ZNF169: variants seen among roughly 807,000 people sequenced by gnomAD.
ZNF169 encodes the protein zinc finger protein 169.
Under a neutral mutation model 12.0 loss-of-function variants are expected in ZNF169, and 11 were observed. That is an observed-to-expected ratio of 0.92 (90% CI 0.58 to 1.52). The LOEUF (loss-of-function observed/expected upper bound fraction) is 1.52. Among genes scored for constraint, ZNF169 ranks in the 40% most tolerant of loss-of-function variants. The pLI is 0.00. For synonymous variants in ZNF169, 302 were observed against 286.5 expected, an observed-to-expected ratio of 1.05 and a Z score of -0.55; for missense variants, 722 against 744.0, an observed-to-expected ratio of 0.97 and a Z score of 0.34.
chr9:94,282,906 A>T (rs915683276), intron 2 of ZNF169, among the ~76,000 whole-genome samples: 16 of 152,150 alleles, frequency 1.1e-4, no homozygotes, highest in Admixed American at 8.5e-4. Context: ...TACTATTCAG[A>T]AGATTTTATT....
rs572690326 is a variant in ZNF169 at position 94,300,497 on chromosome 9, C to T, written c.939C>T (p.Ser313=). 2.9e-5 allele frequency: 46 copies of T among 1,614,016 alleles called. No individual in the cohort carries two copies. Among genetic ancestry groups the T allele is most frequent in the Non-Finnish European group, 3.5e-5 (41 of 1,180,030 alleles). ...TCACTAATCACAAGAGGATTCACTCCGGGGAGAGGCCCTTTGTATGTCAGG... is the reference window on the plus strand; with the variant it reads ...TCACTAATCACAAGAGGATTCACTCTGGGGAGAGGCCCTTTGTATGTCAGG... ...SSLTNHKRIH[S]GERPFVCQEC... The change falls in exon 5 of 5, where the codon TCC becomes TCT. Residue 313 remains serine (S), a synonymous_variant. Transcript: ENST00000395395.
At chr9:94,278,295 A>G (rs1830560694) in intron 1 of ZNF169, among the ~76,000 whole-genome samples, 1 of 152,154 alleles carries the variant, frequency 6.6e-6, no homozygotes, top group South Asian at 2.1e-4. Context: ...AGAGTCACAT[A>G]GAAGGAAACT....
chr9:94,301,132 A>T lies in ZNF169; in HGVS notation c.1574A>T (p.Gln525Leu), dbSNP rs201803760. The change falls in exon 5 of 5, where the codon CAG becomes CTG. Residue 525 changes from glutamine to leucine, a missense_variant. Transcript: ENST00000395395. ...VDRVCGQGLG[Q>L]KSHLISDQRT... ...AGGGTGTGTGGACAAGGACTTGGCC[A>T]GAAGTCACACCTTATCTCTGACCAA... 10 of 1,614,190 alleles carry T rather than the reference A, an allele frequency of 6.2e-6. No homozygotes were observed. The highest frequency in any genetic ancestry group is 8.5e-6 in the Non-Finnish European group (10 of 1,180,038).
intron 3 of ZNF169, 109 bp downstream of exon 3, chr9:94,292,576 C>A: frequency 6.9e-7 from 1 of 1,446,040 alleles, no homozygotes; most frequent in Non-Finnish European, 9.3e-7. Context: ...TCCCCTATTC[C>A]CCCAGAGAAT....
chr9:94,261,072 G>T (rs924859691), intron 1 of ZNF169, among the ~76,000 whole-genome samples: 1 of 148,980 alleles, frequency 6.7e-6, no homozygotes, highest in Admixed American at 6.7e-5. Context: ...TTGCTCTGTC[G>T]CCAGGCTGGA....
In ZNF169 at chr9:94,300,224, C is replaced by CA. The variant is rs372208349; in HGVS notation, c.671dup (p.Ser225ValfsTer14). ...GTGGAAACTATAGACTGGGACTTAG[C>CA]AAAAAGTCAAGCCTGTTCAGCCACC... On this transcript the variant is annotated frameshift_variant, in exon 5 of 5. Transcript: ENST00000395395. LOFTEE classifies it low-confidence loss of function (END_TRUNC). 131 of 1,614,194 alleles carry CA rather than the reference C, an allele frequency of 8.1e-5. 3 individuals carry two copies. The African/African-American group carries it at 1.5e-3, about 18-fold the overall frequency.
At position 94,300,091 on chromosome 9, in the gene ZNF169, G is replaced by A; in HGVS notation, c.533G>A (p.Gly178Glu). The A allele has an allele frequency of 6.2e-7, 1 of 1,614,164 alleles. No individual in the cohort carries two copies. The highest frequency in any genetic ancestry group is 8.5e-7 in the Non-Finnish European group (1 of 1,180,034). Reference sequence around the variant, plus strand: ...GGTGACCCAGTAGAATGGGTAGAAGGGAACAGAGAAGGAGGAACAGACCTT... The same window carrying A: ...GGTGACCCAGTAGAATGGGTAGAAGAGAACAGAGAAGGAGGAACAGACCTT... ...HQGDPVEWVE[G>E]NREGGTDLRL... The change falls in exon 5 of 5, where the codon GGG becomes GAG. Residue 178 changes from glycine (G) to glutamate (E), a missense_variant. By Grantham distance (98) the Gly-to-Glu change is moderately conservative. Coordinates refer to ENST00000395395, the MANE Select transcript of ZNF169 (RefSeq NM_194320.4).
intron 2 of ZNF169, 35 bp from the exon 3 acceptor site, chr9:94,292,306 G>C (rs561123279): frequency 6.2e-7 from 1 of 1,613,668 alleles, no homozygotes; most frequent in South Asian, 1.1e-5. Context: ...GGCATGGCTG[G>C]CTGTTGAGTG....
chr9:94,276,098 T>C (rs1262916810), intron 1 of ZNF169, among the ~76,000 whole-genome samples: 1 of 151,948 alleles, frequency 6.6e-6, no homozygotes, highest in Non-Finnish European at 1.5e-5. Context: ...TTCATTTAAG[T>C]ATAGCCACAA....
intron 1 of ZNF169, among the ~76,000 whole-genome samples, chr9:94,265,534 C>A (rs1466816269): frequency 6.6e-6 from 1 of 151,032 alleles, no homozygotes; most frequent in African/African-American, 2.4e-5. Flanking sequence ...GAGCCAAGAT[C>A]GCCCCATTGC....
intron 3 of ZNF169, 173 bp downstream of exon 3, chr9:94,292,640 T>TGTGTGTGCGC (rs35889937): frequency 2.0e-5 from 15 of 741,328 alleles, no homozygotes; most frequent in African/African-American, 1.6e-4. Context: ...TGTGTGTGTG[T>TGTGTGTGCGC]GCGCGTGCAC....
At chr9:94,292,605 AG>A (rs1830864657) in intron 3 of ZNF169, 138 bp downstream of exon 3, 2 of 661,336 alleles carry the variant, frequency 3.0e-6, no homozygotes, top group Non-Finnish European at 2.2e-6. Context: ...TTCACAGTGC[AG>A]TTGTGTGTGT....
chr9:94,262,528 G>A lies in ZNF169; in HGVS notation c.-56+3183G>A, dbSNP rs543559188. The stretch of plus-strand genomic sequence containing the variant: ...GGCTGGAGTGCAGTGGTGCGATCTC[G>A]GCTCACTGCAACCTCTGCCTCCCAA... On this transcript the variant is annotated intron_variant, in intron 1 of 4. Coordinates refer to ENST00000395395, the MANE Select transcript of ZNF169 (RefSeq NM_194320.4). Among the ~76,000 whole-genome samples the A allele has an allele frequency of 2.2e-4, 33 of 151,980 alleles. No individual in the cohort carries two copies. The East Asian group carries it at 5.0e-3, about 23-fold the overall frequency.
At chr9:94,292,294 T>TTTA in intron 2 of ZNF169, 47 bp from the exon 3 acceptor site, 1 of 1,613,418 alleles carries the variant, frequency 6.2e-7, no homozygotes, top group Non-Finnish European at 8.5e-7. Flanking sequence ...AGTTGGTTAG[T>TTTA]GGGCATGGCT....
intron 1 of ZNF169, among the ~76,000 whole-genome samples, chr9:94,265,021 G>T (rs202123577): frequency 5.1e-4 from 46 of 90,622 alleles, no homozygotes; most frequent in Middle Eastern, 0.011. Flanking sequence ...TCTGTACCCT[G>T]TTTTTTTTTT....
At chr9:94,259,599 A>G (rs2118522714) in intron 1 of ZNF169, among the ~76,000 whole-genome samples, 1 of 152,226 alleles carries the variant, frequency 6.6e-6, no homozygotes, top group East Asian at 1.9e-4. Context: ...CTTTGGGCCC[A>G]GTATGTTGAC....
chr9:94,260,028 C>G (rs977335829), intron 1 of ZNF169, among the ~76,000 whole-genome samples: 1 of 151,972 alleles, frequency 6.6e-6, no homozygotes, highest in Non-Finnish European at 1.5e-5. Context: ...GCTCCCGCGT[C>G]AGCCTCCCGA....
At position 94,300,769 on chromosome 9, in the gene ZNF169, G is replaced by A. The variant is rs761496176; in HGVS notation, c.1211G>A (p.Cys404Tyr). 1.2e-6 allele frequency: 2 copies of A among 1,613,888 alleles called. No individual in the cohort carries two copies. The highest frequency in any genetic ancestry group is 1.7e-6 in the Non-Finnish European group (2 of 1,179,964). Residue 404 changes from cysteine to tyrosine, a missense_variant, in exon 5 of 5, where the codon TGT becomes TAT. Physicochemically the swap from Cys to Tyr is radical, Grantham distance 194. Coordinates refer to ENST00000395395, the MANE Select transcript of ZNF169 (RefSeq NM_194320.4). ...CACTCAGGAGAGAAGCCTTATGTCT[G>A]TGCTGAGTGTGGGCACAGCTTTCGC... ...VTHSGEKPYV[C>Y]AECGHSFRQK... is the part of the protein sequence containing the mutation.
At chr9:94,277,124 G>T (rs11794330) in intron 1 of ZNF169, among the ~76,000 whole-genome samples, 2 of 152,060 alleles carry the variant, frequency 1.3e-5, no homozygotes, top group African/African-American at 4.8e-5. Context: ...AAGTAGGGGG[G>T]CGGATTCCAG....
Sources: allele counts gnomAD v4.1 joint callset (sites outside exome capture counted in the v4.1 genomes callset), GRCh38; gene constraint gnomAD v4.1.1; transcripts MANE v1.5; gene names NCBI Gene and HGNC (gene_info 2026-07-23, HGNC 2026-07-21).